Variants in OSBPL10 observed in about 807,000 individuals in gnomAD.
OSBPL10 encodes the protein oxysterol-binding protein-related protein 10.
A neutral mutation model predicts 81.7 loss-of-function variants in OSBPL10; 49 were observed. The observed-to-expected ratio is 0.60, with a 90% CI of 0.48 to 0.76. OSBPL10 has a LOEUF of 0.76. OSBPL10 is among the 30% of genes least tolerant of loss of function. OSBPL10 has a pLI of 0.00. For missense variants in OSBPL10, 923 were observed against 987.8 expected (o/e 0.93, Z 0.88); for synonymous variants, 419 against 383.6 (o/e 1.09, Z -1.08).
chr3:32,005,654 C>G (rs1236055574), intron 2 of OSBPL10, among the ~76,000 whole-genome samples: 1 of 152,164 alleles, frequency 6.6e-6, no homozygotes, highest in Non-Finnish European at 1.5e-5. Flanking sequence ...GTGTCGCTGT[C>G]TCGGCTCACT....
At chr3:31,933,065 C>G (rs987578787) in intron 1 of OSBPL10, among the ~76,000 whole-genome samples, 7 of 152,148 alleles carry the variant, frequency 4.6e-5, no homozygotes, top group African/African-American at 1.7e-4. Context: ...GGATTCAATT[C>G]CAAGCAACTC....
chr3:31,879,795 T>C lies in OSBPL10; in HGVS notation c.317A>G (p.Gln106Arg). 6.2e-7 allele frequency: 1 copy of C among 1,614,120 alleles called. No individual in the cohort carries two copies. Among genetic ancestry groups the C allele is most frequent in the Non-Finnish European group, 8.5e-7 (1 of 1,180,014 alleles). ...FVLDFEAGILQYFVNEQSKHQ... is the reference protein window; with the variant it reads ...FVLDFEAGILRYFVNEQSKHQ... ...TTTGCTTTGCTCATTCACAAAATAC[T>C]GCAGGATGCCAGCCTCGAAATCCAG... is the stretch of plus-strand genomic sequence containing the variant. The change falls in exon 2 of 12, where the codon CAG becomes CGG. Residue 106 changes from glutamine to arginine, a missense_variant. By Grantham distance (43) the Gln-to-Arg change is conservative. Transcript: ENST00000396556.
intron 2 of OSBPL10, among the ~76,000 whole-genome samples, chr3:31,986,657 T>TTTA (rs889314615): frequency 3.3e-5 from 5 of 152,162 alleles, no homozygotes; most frequent in African/African-American, 1.2e-4. Context: ...GCCTGGCCTA[T>TTTA]TTATTATTAT....
At chr3:31,952,144 C>T (rs1163352202) in intron 1 of OSBPL10, among the ~76,000 whole-genome samples, 7 of 151,594 alleles carry the variant, frequency 4.6e-5, no homozygotes, top group African/African-American at 1.7e-4. Context: ...AGAAAACCTA[C>T]GATAAAGCAT....
At chr3:31,866,644 C>G (rs1243869818) in intron 3 of OSBPL10, among the ~76,000 whole-genome samples, 1 of 152,074 alleles carries the variant, frequency 6.6e-6, no homozygotes, top group East Asian at 1.9e-4. Context: ...TAGGGTATAT[C>G]ACTGGTGTCA....
At chr3:31,990,269 T>C (rs759495538) in intron 2 of OSBPL10, 1 of 1,613,704 alleles carries the variant, frequency 6.2e-7, no homozygotes, top group South Asian at 1.1e-5. Flanking sequence ...ATAGGGAAAC[T>C]TTATAAATGT....
chr3:31,884,592 T>A (rs1426877142), intron 1 of OSBPL10, among the ~76,000 whole-genome samples: 1 of 152,234 alleles, frequency 6.6e-6, no homozygotes, highest in Non-Finnish European at 1.5e-5. Context: ...CACAGGGTCA[T>A]GGCTTTGTCA....
At chr3:31,769,170 C>T (rs1231460768) in intron 4 of OSBPL10, among the ~76,000 whole-genome samples, 1 of 151,978 alleles carries the variant, frequency 6.6e-6, no homozygotes, top group Non-Finnish European at 1.5e-5. Flanking sequence ...CGGCTGGGCA[C>T]GGTGGCTCAA....
chr3:31,928,762 CA>C (rs58345341), intron 1 of OSBPL10, among the ~76,000 whole-genome samples: 135 of 95,092 alleles, frequency 1.4e-3, no homozygotes, highest in East Asian at 8.9e-3. Context: ...GACTTGTCTC[CA>C]AAAAAAAAAA....
chr3:31,956,745 C>A (rs960045575), intron 1 of OSBPL10, among the ~76,000 whole-genome samples: 1 of 151,210 alleles, frequency 6.6e-6, no homozygotes, highest in African/African-American at 2.4e-5. Context: ...AAAAAGGGGG[C>A]CTTTCATGGA....
intron 2 of OSBPL10, among the ~76,000 whole-genome samples, chr3:32,023,355 T>C (rs1699375203): frequency 6.6e-6 from 1 of 152,112 alleles, no homozygotes; most frequent in African/African-American, 2.4e-5. Flanking sequence ...TGCTGCCATG[T>C]AAGATGTCCG....
chr3:31,905,178 C>T (rs1007042199), intron 1 of OSBPL10, among the ~76,000 whole-genome samples: 1 of 151,940 alleles, frequency 6.6e-6, no homozygotes, highest in African/African-American at 2.4e-5. Flanking sequence ...GTCTTGCCTA[C>T]ATAGAAAGCT....
chr3:31,663,958 G>C (rs914488486), intron 11 of OSBPL10, 121 bp downstream of exon 11: 14 of 1,607,432 alleles, frequency 8.7e-6, no homozygotes, highest in Non-Finnish European at 1.2e-5. Flanking sequence ...AGCTGCCCTA[G>C]TCCATCCCTT....
intron 1 of OSBPL10, among the ~76,000 whole-genome samples, chr3:31,941,283 AC>A (rs1396570378): frequency 1.3e-5 from 2 of 152,112 alleles, no homozygotes; most frequent in Admixed American, 1.3e-4. Flanking sequence ...AGACAAACAG[AC>A]TCTGCTAACT....
intron 2 of OSBPL10, among the ~76,000 whole-genome samples, chr3:32,000,764 C>G (rs1266204337): frequency 2.0e-5 from 3 of 152,180 alleles, no homozygotes; most frequent in Non-Finnish European, 4.4e-5. Context: ...ATTCTGCCTT[C>G]TCTGCTCAGC....
At position 32,010,635 on chromosome 3, in the gene OSBPL10, G is replaced by A. The variant is rs571749490; in HGVS notation, n.298+35856C>T. Among the ~76,000 whole-genome samples, 111 of 152,330 alleles carry A rather than the reference G, an allele frequency of 7.3e-4. 1 individual carries two copies. The highest frequency in any genetic ancestry group is 2.5e-3 in the African/African-American group (103 of 41,568). On this transcript the variant is annotated intron_variant and non_coding_transcript_variant, in intron 2 of 3. Coordinates refer to the OSBPL10 transcript ENST00000479173. ...AGCGCACTGAGCATGAGCCGAAGCA[G>A]GGCGAGGCATCACTTCACCCAGGAA...
intron 3 of OSBPL10, among the ~76,000 whole-genome samples, chr3:31,867,463 G>T (rs563422599): frequency 3.3e-5 from 5 of 152,030 alleles, no homozygotes; most frequent in Non-Finnish European, 7.4e-5. Flanking sequence ...GGACACAGGC[G>T]GGACACGGTG....
At chr3:31,860,762 G>A (rs1454445478) in intron 3 of OSBPL10, among the ~76,000 whole-genome samples, 3 of 151,814 alleles carry the variant, frequency 2.0e-5, no homozygotes, top group African/African-American at 7.3e-5. Flanking sequence ...TGCAGCCTCC[G>A]TCTCCTGGGT....
At chr3:31,674,583 TTAGATAGA>T (rs55696700) in intron 8 of OSBPL10, among the ~76,000 whole-genome samples, 2,061 of 147,954 alleles carry the variant, frequency 0.014, 22 homozygotes, top group East Asian at 0.051. Context: ...GATAGATAGA[TTAGATAGA>T]TAGATAGATA....
Sources: gnomAD v4.1 joint callset for allele counts (sites outside exome capture counted in the v4.1 genomes callset) on GRCh38, gnomAD v4.1.1 for gene constraint, MANE v1.5 for transcripts, NCBI Gene and HGNC (gene_info 2026-07-23, HGNC 2026-07-21) for gene names.